Variants in NAA30 observed in about 807,000 individuals in gnomAD.
NAA30 encodes the protein N-alpha-acetyltransferase 30.
Under a neutral mutation model 31.4 loss-of-function variants are expected in NAA30, and 5 were observed. The ratio of observed to expected loss-of-function variants is 0.16; its 90% CI spans 0.08 to 0.33. The LOEUF (loss-of-function observed/expected upper bound fraction) is 0.33, where lower values mean the gene tolerates loss of function less well. Ranked by LOEUF, NAA30 falls within the 10% of genes least tolerant of loss-of-function variation. The probability of loss-of-function intolerance (pLI) is 1.00; values close to 1 mark genes in which losing one functional copy is unlikely to be tolerated. For synonymous variants in NAA30, 222 were observed against 207.1 expected (o/e 1.07, Z -0.62); for missense variants, 428 against 490.8 (o/e 0.87, Z 1.21).
intron 3 of NAA30, among the ~76,000 whole-genome samples, chr14:57,397,299 T>A (rs2066454790): frequency 6.6e-6 from 1 of 152,226 alleles, no homozygotes; most frequent in Admixed American, 6.5e-5. Flanking sequence ...TACCATTACT[T>A]GGTGCTAGTC....
chr14:57,401,320 G>A (rs1228453590), intron 4 of NAA30, among the ~76,000 whole-genome samples: 2 of 152,162 alleles, frequency 1.3e-5, no homozygotes, highest in Non-Finnish European at 2.9e-5. Context: ...ATAGTGGGTG[G>A]CACAGTGAAG....
rs2066530627 is a variant in NAA30, at chr14:57,413,099, G to C, written c.*3583G>C. 6.6e-6 allele frequency: 1 copy of C among 152,036 alleles called. No individual in the cohort carries two copies. Among genetic ancestry groups the C allele is most frequent in the African/African-American group, 2.4e-5 (1 of 41,390 alleles). 9.4% of individuals were successfully genotyped at this position (152,036 alleles called of 1,614,324 possible). ...TAATTTACTTTTTTGTCTGTACACT[G>C]CCACTCTGTAATGTTCCCCCCACCC... On this transcript the variant is annotated 3_prime_UTR_variant, in exon 5 of 5. Transcript: ENST00000556492.
intron 2 of NAA30, among the ~76,000 whole-genome samples, chr14:57,394,412 C>T (rs998356230): frequency 2.0e-5 from 3 of 151,900 alleles, no homozygotes; most frequent in Non-Finnish European, 4.4e-5. Context: ...TTAATCTTGC[C>T]GGGGATTTTT....
chr14:57,391,256 C>G lies in NAA30; in HGVS notation c.299C>G (p.Ser100Cys), dbSNP rs767495564. ...PELRHLRAAA[S>C]LKSKVLSVAE... ...CTGCGGCACCTCCGGGCGGCCGCCT[C>G]CCTCAAGAGCAAGGTCCTGAGCGTA... is the stretch of plus-strand genomic sequence containing the variant. Residue 100 changes from serine (S) to cysteine (C), a missense_variant, in exon 2 of 5, where the codon TCC (serine) becomes TGC (cysteine). Physicochemically the swap from Ser to Cys is moderately radical, Grantham distance 112 (BLOSUM62 -1). This residue lies in a region of NAA30 where 349 missense variants were observed against 310.4 expected (regional missense o/e 1.12). Coordinates refer to ENST00000556492, the MANE Select transcript of NAA30 (RefSeq NM_001011713.3). The surrounding 1 kb of genome is among the most constrained non-coding windows in gnomAD (Gnocchi z 4.1). The G allele has an allele frequency of 6.2e-7, 1 of 1,612,096 alleles. No homozygotes were observed. The highest frequency in any genetic ancestry group is 8.5e-7 in the Non-Finnish European group (1 of 1,179,702).
chr14:57,391,822 C>T lies in NAA30; in HGVS notation c.771+94C>T, dbSNP rs2066429506. On this transcript the variant is annotated intron_variant, in intron 2 of 4. Transcript: ENST00000556492. The surrounding 1 kb of genome is among the most constrained non-coding windows in gnomAD (Gnocchi z 4.1). ...GCCCAGAATGTGGCAGTGGATATCT[C>T]CTGCTGCGTATCATAGTACGTTATA... 2.3e-6 allele frequency: 2 copies of T among 887,282 alleles called. No individual in the cohort carries two copies. Among genetic ancestry groups the T allele is most frequent in the South Asian group, 3.2e-5 (2 of 62,632 alleles). The allele number at this position is 887,282 out of a possible 1,614,324, so 55.0% of individuals were successfully genotyped here.
At chr14:57,394,514 T>C (rs1348807734) in intron 2 of NAA30, among the ~76,000 whole-genome samples, 2 of 152,112 alleles carry the variant, frequency 1.3e-5, no homozygotes, top group Non-Finnish European at 2.9e-5. Context: ...AGCAATTTAG[T>C]GATTCCTGTA....
In NAA30 at chr14:57,409,826, G is replaced by C. The variant is rs999521669; in HGVS notation, c.*310G>C. 9.0e-6 allele frequency: 2 copies of C among 223,372 alleles called. No homozygotes were observed. Among genetic ancestry groups the C allele is most frequent in the Non-Finnish European group, 1.7e-5 (2 of 114,964 alleles). 13.8% of individuals were successfully genotyped at this position (223,372 alleles called of 1,614,324 possible). ...TTTACACAGTGATCATTTTATCACA[G>C]AACCAGTAAGTGGAACATAATTTTT... is the stretch of plus-strand genomic sequence containing the variant. On this transcript the variant is annotated 3_prime_UTR_variant, in exon 5 of 5. Transcript: ENST00000556492.
chr14:57,415,713 T>G lies in NAA30; in HGVS notation c.*6197T>G, dbSNP rs1317869102. On this transcript the variant is annotated 3_prime_UTR_variant, in exon 5 of 5. Coordinates refer to ENST00000556492, the MANE Select transcript of NAA30 (RefSeq NM_001011713.3). ...GTAGGGGATTGATCATTGCGATGTT[T>G]AGGCCAGGATTTCTCATGATTGTAT... 2 of 152,316 alleles carry G rather than the reference T, an allele frequency of 1.3e-5. No homozygotes were observed. Among genetic ancestry groups the G allele is most frequent in the East Asian group, 3.9e-4 (2 of 5,182 alleles). 9.4% of individuals were successfully genotyped at this position (152,316 alleles called of 1,614,324 possible).
chr14:57,401,516 C>G (rs1451566154), intron 4 of NAA30, among the ~76,000 whole-genome samples: 3 of 152,110 alleles, frequency 2.0e-5, no homozygotes, highest in African/African-American at 7.2e-5. Context: ...AGTATAGGTC[C>G]ATGTTTGGAC....
chr14:57,404,639 A>G (rs1384728497), intron 4 of NAA30, among the ~76,000 whole-genome samples: 3 of 152,180 alleles, frequency 2.0e-5, no homozygotes, highest in African/African-American at 7.2e-5. Context: ...AGTTTACAAA[A>G]GAAAGAGTAC....
chr14:57,398,289 A>C (rs985313170), intron 3 of NAA30, among the ~76,000 whole-genome samples: 1 of 152,118 alleles, frequency 6.6e-6, no homozygotes, highest in Non-Finnish European at 1.5e-5. Flanking sequence ...TTGATGCATT[A>C]AAAAGCACTG....
intron 4 of NAA30, among the ~76,000 whole-genome samples, chr14:57,401,744 A>G (rs532921271): frequency 3.3e-5 from 5 of 152,164 alleles, no homozygotes; most frequent in South Asian, 2.1e-4. Context: ...GAGGCAGGCT[A>G]TGTGCTTTTG....
At chr14:57,403,912 G>C (rs961076711) in intron 4 of NAA30, among the ~76,000 whole-genome samples, 1 of 152,186 alleles carries the variant, frequency 6.6e-6, no homozygotes, top group Non-Finnish European at 1.5e-5. Context: ...TGATTGATCA[G>C]TATCAGTATG....
intron 3 of NAA30, 138 bp from the exon 4 acceptor site, chr14:57,399,690 T>G: frequency 1.6e-6 from 1 of 625,074 alleles, no homozygotes; most frequent in Non-Finnish European, 2.8e-6. Flanking sequence ...ATTTTTCCCA[T>G]TTAATTTGAG....
intron 4 of NAA30, among the ~76,000 whole-genome samples, chr14:57,403,552 T>G (rs949723191): frequency 6.6e-6 from 1 of 152,212 alleles, no homozygotes; most frequent in African/African-American, 2.4e-5. Context: ...AGCTAAAAAA[T>G]TTTTTCATTT....
In NAA30 at chr14:57,391,469, A is replaced by G; in HGVS notation, c.512A>G (p.Glu171Gly). ...DPAAARNGLA[E>G]GTEQEEEEED... The stretch of plus-strand genomic sequence containing the variant: ...GCGGCGGCCCGCAATGGACTGGCCG[A>G]GGGCACCGAGCAGGAGGAGGAGGAG... The change falls in exon 2 of 5, where the codon GAG becomes GGG. Residue 171 changes from glutamate to glycine, a missense_variant. Physicochemically the swap from Glu to Gly is moderately conservative, Grantham distance 98 (BLOSUM62 -2). This residue lies in a region of NAA30 where 349 missense variants were observed against 310.4 expected (regional missense o/e 1.12). Coordinates refer to ENST00000556492, the MANE Select transcript of NAA30 (RefSeq NM_001011713.3). This position sits in a 1 kb window ranked among gnomAD's most constrained non-coding sequence, Gnocchi z 4.1. 6.2e-7 allele frequency: 1 copy of G among 1,611,838 alleles called. No individual in the cohort carries two copies. The highest frequency in any genetic ancestry group is 8.5e-7 in the Non-Finnish European group (1 of 1,179,224).
intron 4 of NAA30, among the ~76,000 whole-genome samples, chr14:57,408,267 G>A (rs1458765146): frequency 6.6e-6 from 1 of 152,160 alleles, no homozygotes; most frequent in African/African-American, 2.4e-5. Flanking sequence ...GTGGCTCACT[G>A]TGTTGATAGT....
chr14:57,392,408 G>T (rs1417578418), intron 2 of NAA30, among the ~76,000 whole-genome samples: 2 of 150,154 alleles, frequency 1.3e-5, no homozygotes, highest in Non-Finnish European at 3.0e-5. Context: ...TTACCGATCT[G>T]ATTTTTTTTT....
rs771293065 is a variant in NAA30, at chr14:57,391,347, C to T, written c.390C>T (p.Ala130=). 4.3e-6 allele frequency: 7 copies of T among 1,611,984 alleles called. No homozygotes were observed. The highest frequency in any genetic ancestry group is 1.3e-5 in the African/African-American group (1 of 75,044). The part of the protein sequence containing the change: ...GGPRATATKG[A]GVHSGERPPH... Reference sequence around the variant, plus strand: ...CCAGAGCGACTGCAACAAAAGGAGCCGGGGTACACTCGGGCGAGAGGCCCC... The same window carrying T: ...CCAGAGCGACTGCAACAAAAGGAGCTGGGGTACACTCGGGCGAGAGGCCCC... Residue 130 remains alanine (A), a synonymous_variant, in exon 2 of 5, where the codon GCC becomes GCT. Coordinates refer to ENST00000556492, the MANE Select transcript of NAA30 (RefSeq NM_001011713.3). This position sits in a 1 kb window ranked among gnomAD's most constrained non-coding sequence, Gnocchi z 4.1.
Sources: gnomAD v4.1 joint callset for allele counts (sites outside exome capture counted in the v4.1 genomes callset) on GRCh38, gnomAD v4.1.1 for gene constraint, gnomAD v4.1.1 regional missense constraint, Gnocchi (gnomAD v3.1) non-coding constraint, MANE v1.5 for transcripts, NCBI Gene and HGNC (gene_info 2026-07-23, HGNC 2026-07-21) for gene names.